AGO1: variants seen among roughly 807,000 people sequenced by gnomAD.
The protein encoded by AGO1 is argonaute RISC component 1.
AGO1 carries 11 observed loss-of-function variants against 109.2 expected under a neutral mutation model. The ratio of observed to expected loss-of-function variants is 0.10; its 90% CI spans 0.06 to 0.17. The LOEUF (loss-of-function observed/expected upper bound fraction) is 0.17. AGO1 is among the 10% of genes least tolerant of loss of function. AGO1 has a pLI of 1.00. For synonymous variants in AGO1, 422 were observed against 418.6 expected (o/e 1.01, Z -0.10); for missense variants, 574 against 1,140.3 (o/e 0.50, Z 7.15).
intron 11 of AGO1, among the ~76,000 whole-genome samples, chr1:35,903,674 T>A (rs1645463633): frequency 6.6e-6 from 1 of 151,772 alleles, no homozygotes; most frequent in African/African-American, 2.4e-5. Flanking sequence ...ATAGATCCTA[T>A]AAGTTCTAGG....
chr1:35,914,320 C>A, intron 14 of AGO1, 46 bp downstream of exon 14: 1 of 1,520,528 alleles, frequency 6.6e-7, no homozygotes, highest in South Asian at 1.1e-5. Flanking sequence ...CCTCTTCGCT[C>A]TGAGTCCTCA....
At chr1:35,913,405 C>G (rs981139731) in intron 12 of AGO1, among the ~76,000 whole-genome samples, 1 of 152,204 alleles carries the variant, frequency 6.6e-6, no homozygotes, top group Non-Finnish European at 1.5e-5. Flanking sequence ...ACATGCTCCC[C>G]TTGCTCTTCT....
In AGO1 at chr1:35,893,122, G is replaced by C; in HGVS notation, c.356G>C (p.Gly119Ala). Residue 119 changes from glycine to alanine, a missense_variant, in exon 4 of 19, where the codon GGG becomes GCG. Transcript: ENST00000373204. This position sits in a 1 kb window ranked among gnomAD's most constrained non-coding sequence, Gnocchi z 5.6. ...GTCGACTTTGAGGTGACAATCCCTG[G>C]GGAAGGGAAGGATCGAATCTTTAAG... is the stretch of plus-strand genomic sequence containing the variant. ...ERVDFEVTIP[G>A]EGKDRIFKVS... The C allele has an allele frequency of 1.9e-6, 3 of 1,614,072 alleles. No individual in the cohort carries two copies. The highest frequency in any genetic ancestry group is 2.5e-6 in the Non-Finnish European group (3 of 1,179,996).
Position 35,901,933 on chromosome 1 carries a change from T to C in AGO1, c.1141-15T>C. The C allele has an allele frequency of 6.4e-7, 1 of 1,565,438 alleles. No homozygotes were observed. The highest frequency in any genetic ancestry group is 8.6e-7 in the Non-Finnish European group (1 of 1,156,792). On this transcript the variant is annotated splice_polypyrimidine_tract_variant and intron_variant, in intron 9 of 18. Coordinates refer to ENST00000373204, the MANE Select transcript of AGO1 (RefSeq NM_012199.5). This position sits in a 1 kb window ranked among gnomAD's most constrained non-coding sequence, Gnocchi z 4.8. ...AGCTCCTGTTCTCCTGAGATTGCTCTCTTTTGTCCTGCAGATGAAGAATGC... is the reference window on the plus strand; with the variant it reads ...AGCTCCTGTTCTCCTGAGATTGCTCCCTTTTGTCCTGCAGATGAAGAATGC...
intron 1 of AGO1, among the ~76,000 whole-genome samples, chr1:35,887,642 GTTCT>G (rs1387086235): frequency 6.6e-6 from 1 of 151,888 alleles, no homozygotes; most frequent in Non-Finnish European, 1.5e-5. Context: ...AAACCCGTTA[GTTCT>G]TTCTTTATTC....
Position 35,892,599 on chromosome 1 carries a change from C to A in AGO1, c.252C>A (p.Ile84=). The change falls in exon 3 of 19, where the codon ATC becomes ATA. Residue 84 remains isoleucine, a synonymous_variant. Coordinates refer to ENST00000373204, the MANE Select transcript of AGO1 (RefSeq NM_012199.5). ...EYMVQHFKPQ[I]FGDRKPVYDG... ...TGGTCCAGCATTTCAAGCCTCAGAT[C>A]TTTGGTGATCGCAAGCCTGTGTATG... The A allele has an allele frequency of 1.2e-6, 2 of 1,614,248 alleles. No individual in the cohort carries two copies. Among genetic ancestry groups the A allele is most frequent in the Non-Finnish European group, 8.5e-7 (1 of 1,180,044 alleles).
rs1352564189 is a variant in AGO1 at position 35,893,534 on chromosome 1, T to C, written c.513-140T>C. On this transcript the variant is annotated intron_variant, in intron 4 of 18. Transcript: ENST00000373204. The surrounding 1 kb of genome is among the most constrained non-coding windows in gnomAD (Gnocchi z 5.6). ...AAGGTAGAAACTTGTACAAGGTCAG[T>C]CATACAACTAGTAAAGCATCAGAGC... 2 of 948,948 alleles carry C rather than the reference T, an allele frequency of 2.1e-6. No individual in the cohort carries two copies. Among genetic ancestry groups the C allele is most frequent in the Non-Finnish European group, 3.1e-6 (2 of 653,706 alleles). The allele number at this position is 948,948 out of a possible 1,614,324, so 58.8% of individuals were successfully genotyped here.
intron 8 of AGO1, among the ~76,000 whole-genome samples, chr1:35,895,829 T>G (rs1220768324): frequency 6.6e-6 from 1 of 152,210 alleles, no homozygotes; most frequent in Non-Finnish European, 1.5e-5. Context: ...TGGGCTATAT[T>G]TTGTTTGGTA....
At chr1:35,878,331 C>T (rs372318296), upstream of AGO1, among the ~76,000 whole-genome samples, 134 of 152,050 alleles carry the variant, frequency 8.8e-4, 2 homozygotes, top group East Asian at 0.018. Flanking sequence ...ATGATCCTCC[C>T]GGCTCGGCCT....
Position 35,914,397 on chromosome 1 carries a change from G to T in AGO1, c.1833+123G>T, listed in dbSNP as rs1025934832. On this transcript the variant is annotated intron_variant, in intron 14 of 18. Coordinates refer to ENST00000373204, the MANE Select transcript of AGO1 (RefSeq NM_012199.5). Reference sequence around the variant, plus strand: ...CCTTCATAAGATGTCCATTTAGCTCGCTATTCCCAATTCCCATTCCCTTGA... The same window carrying T: ...CCTTCATAAGATGTCCATTTAGCTCTCTATTCCCAATTCCCATTCCCTTGA... 4 of 723,516 alleles carry T rather than the reference G, an allele frequency of 5.5e-6. No individual in the cohort carries two copies. The Admixed American group carries it at 9.6e-5, about 17-fold the overall frequency. 44.8% of individuals were successfully genotyped at this position (723,516 alleles called of 1,614,324 possible).
Position 35,893,027 on chromosome 1 carries a change from T to G in AGO1, c.331-70T>G. ...ACTTGAAAAACATGTTCTCAGCAAA[T>G]CCATGGAGTTGGGGGTCATTCTCGC... On this transcript the variant is annotated intron_variant, in intron 3 of 18. Transcript: ENST00000373204. This position sits in a 1 kb window ranked among gnomAD's most constrained non-coding sequence, Gnocchi z 5.6. The G allele has an allele frequency of 7.0e-7, 1 of 1,430,342 alleles. No homozygotes were observed. 88.6% of individuals were successfully genotyped at this position (1,430,342 alleles called of 1,614,324 possible). A position where few individuals can be genotyped will look rare whatever the true frequency, so the allele number is the denominator to read the frequency against.
rs1429814589 is a variant in AGO1, at chr1:35,893,301, G to T, written c.512+23G>T. 1.2e-6 allele frequency: 2 copies of T among 1,602,740 alleles called. No individual in the cohort carries two copies. Among genetic ancestry groups the T allele is most frequent in the South Asian group, 2.2e-5 (2 of 90,678 alleles). On this transcript the variant is annotated intron_variant, in intron 4 of 18. Transcript: ENST00000373204. The surrounding 1 kb of genome is among the most constrained non-coding windows in gnomAD (Gnocchi z 5.6). ...GAGGTATTGGGTGTAGTTAGTATCT[G>T]GGCTACTAGTGTTGGCAGAACTGCT...
intron 1 of AGO1, among the ~76,000 whole-genome samples, chr1:35,872,378 G>T (rs1173863834): frequency 1.3e-5 from 2 of 151,754 alleles, no homozygotes; most frequent in African/African-American, 4.8e-5. Context: ...TAGAGACAAG[G>T]TTTCACCACA....
chr1:35,914,828 T>C (rs995840163), intron 14 of AGO1, among the ~76,000 whole-genome samples: 5 of 152,236 alleles, frequency 3.3e-5, no homozygotes, highest in African/African-American at 7.2e-5. Context: ...AACCCTATAA[T>C]ATGCTTATCC....
At chr1:35,910,362 A>G (rs1645610092) in intron 12 of AGO1, among the ~76,000 whole-genome samples, 1 of 151,226 alleles carries the variant, frequency 6.6e-6, no homozygotes, top group African/African-American at 2.4e-5. Flanking sequence ...AGTATATTTA[A>G]TTGCTTCCTC....
Position 35,901,369 on chromosome 1 carries a change from C to T in AGO1, c.1021-105C>T. ...GTATGCACAACGGATTTTGCAGTTC[C>T]CTTCCCCATGGCTGACAGCCAAGGT... On this transcript the variant is annotated intron_variant, in intron 8 of 18. Transcript: ENST00000373204. This position sits in a 1 kb window ranked among gnomAD's most constrained non-coding sequence, Gnocchi z 4.8. 1 of 1,484,090 alleles carries T rather than the reference C, an allele frequency of 6.7e-7. No individual in the cohort carries two copies. The highest frequency in any genetic ancestry group is 9.2e-7 in the Non-Finnish European group (1 of 1,084,520). The allele number at this position is 1,484,090 out of a possible 1,614,324, so 91.9% of individuals were successfully genotyped here.
chr1:35,870,290 G>GTT (rs561326184), intron 1 of AGO1, among the ~76,000 whole-genome samples: 1 of 144,918 alleles, frequency 6.9e-6, no homozygotes, highest in Admixed American at 6.9e-5. Flanking sequence ...GTTGTTTTTT[G>GTT]TTTTTTTTTT....
At position 35,930,493 on chromosome 1, in the gene AGO1, AGT is replaced by A. The variant is rs1490979203; in HGVS notation, c.*10890_*10891del. On this transcript the variant is annotated 3_prime_UTR_variant, in exon 19 of 19. Coordinates refer to ENST00000373204, the MANE Select transcript of AGO1 (RefSeq NM_012199.5). ...CCCTGGAAAGGAGTTTGGGTTTTCA[AGT>A]GTGACGAGGCGCTATTAAAGAGTTT... is the stretch of plus-strand genomic sequence containing the variant. 1.3e-5 allele frequency: 2 copies of A among 152,238 alleles called. No homozygotes were observed. Among genetic ancestry groups the A allele is most frequent in the Non-Finnish European group, 2.9e-5 (2 of 68,058 alleles). 9.4% of individuals were successfully genotyped at this position (152,238 alleles called of 1,614,324 possible).
rs1645792688 is a variant in AGO1, at chr1:35,919,399, C to G, written c.2466-100C>G. ...GCCCAATCCTGGGTTGGGTTTCTCTCTTAAGTTGGTATGGGAATTGGCATC... is the reference window on the plus strand; with the variant it reads ...GCCCAATCCTGGGTTGGGTTTCTCTGTTAAGTTGGTATGGGAATTGGCATC... On this transcript the variant is annotated intron_variant, in intron 18 of 18. Transcript: ENST00000373204. This position sits in a 1 kb window ranked among gnomAD's most constrained non-coding sequence, Gnocchi z 6.6. The G allele has an allele frequency of 6.8e-7, 1 of 1,472,680 alleles. No homozygotes were observed. Among genetic ancestry groups the G allele is most frequent in the Non-Finnish European group, 9.2e-7 (1 of 1,082,324 alleles). 91.2% of individuals were successfully genotyped at this position (1,472,680 alleles called of 1,614,324 possible).
Sources: gnomAD v4.1 joint callset for allele counts (sites outside exome capture counted in the v4.1 genomes callset) on GRCh38, gnomAD v4.1.1 for gene constraint, Gnocchi (gnomAD v3.1) non-coding constraint, MANE v1.5 for transcripts, NCBI Gene and HGNC (gene_info 2026-07-23, HGNC 2026-07-21) for gene names.